Variants in MAGI1 observed in about 807,000 individuals in gnomAD.
MAGI1 encodes the protein membrane-associated guanylate kinase, WW and PDZ domain-containing protein 1.
A neutral mutation model predicts 139.9 loss-of-function variants in MAGI1; 58 were observed. The observed-to-expected ratio is 0.41, with a 90% CI of 0.34 to 0.52. MAGI1 has a LOEUF of 0.52. Ranked by LOEUF, MAGI1 falls within the 20% of genes least tolerant of loss-of-function variation. The probability of loss-of-function intolerance (pLI) is 0.12; values close to 1 mark genes in which losing one functional copy is unlikely to be tolerated. For missense variants in MAGI1, 1,874 were observed against 1,901.6 expected (o/e 0.99, Z 0.27); for synonymous variants, 812 against 737.9 (o/e 1.10, Z -1.63).
intron 1 of MAGI1, among the ~76,000 whole-genome samples, chr3:66,007,120 T>C (rs1206499913): frequency 2.0e-5 from 3 of 151,972 alleles, no homozygotes; most frequent in Non-Finnish European, 2.9e-5. Flanking sequence ...AGATTACAGG[T>C]GTGAGCCACC....
At chr3:65,396,246 T>C (rs1333537408) in intron 13 of MAGI1, among the ~76,000 whole-genome samples, 1 of 152,226 alleles carries the variant, frequency 6.6e-6, no homozygotes, top group Non-Finnish European at 1.5e-5. Flanking sequence ...CTAATTGTTG[T>C]CATTATGCTG....
chr3:65,546,723 A>AT (rs1455559389), intron 2 of MAGI1, among the ~76,000 whole-genome samples: 3 of 151,952 alleles, frequency 2.0e-5, no homozygotes, highest in East Asian at 3.9e-4. Context: ...TAGTCAATCC[A>AT]TTTTTTTTCC....
At chr3:65,451,468 G>C (rs921862699) in intron 6 of MAGI1, among the ~76,000 whole-genome samples, 3 of 152,120 alleles carry the variant, frequency 2.0e-5, no homozygotes, top group Non-Finnish European at 4.4e-5. Flanking sequence ...ATCCAAAATG[G>C]TTAGAATCAA....
chr3:65,854,359 T>C (rs1186072593), intron 1 of MAGI1, among the ~76,000 whole-genome samples: 5 of 152,130 alleles, frequency 3.3e-5, no homozygotes, highest in Non-Finnish European at 5.9e-5. Context: ...ACTTTCTCCT[T>C]TTCACTCAAG....
At chr3:65,846,396 T>G (rs1247650394) in intron 1 of MAGI1, among the ~76,000 whole-genome samples, 1 of 152,170 alleles carries the variant, frequency 6.6e-6, no homozygotes, top group African/African-American at 2.4e-5. Context: ...GTTGAGACAA[T>G]GGATGCAGGT....
chr3:65,584,095 A>AC (rs1187836972), intron 2 of MAGI1, among the ~76,000 whole-genome samples: 3 of 151,400 alleles, frequency 2.0e-5, no homozygotes, highest in African/African-American at 7.3e-5. Flanking sequence ...TGAAAAAAAA[A>AC]AAAAAAAAAA....
At chr3:65,610,029 A>C (rs947674033) in intron 2 of MAGI1, 3 of 17,144 alleles carry the variant, frequency 1.7e-4, no homozygotes, top group African/African-American at 4.2e-4. Context: ...TATATAATAC[A>C]AATTCAGAAC....
At chr3:65,775,915 C>T (rs1361529569) in intron 1 of MAGI1, among the ~76,000 whole-genome samples, 1 of 150,278 alleles carries the variant, frequency 6.7e-6, no homozygotes, top group Non-Finnish European at 1.5e-5. Context: ...GCACTTCAGC[C>T]TCAGTCACAG....
At chr3:65,785,442 C>A (rs1042824690) in intron 1 of MAGI1, among the ~76,000 whole-genome samples, 1 of 152,106 alleles carries the variant, frequency 6.6e-6, no homozygotes, top group Admixed American at 6.5e-5. Flanking sequence ...GACTTATACA[C>A]AGATAAAAAG....
chr3:65,392,204 C>T (rs947210117), intron 13 of MAGI1, among the ~76,000 whole-genome samples: 6 of 152,154 alleles, frequency 3.9e-5, no homozygotes, highest in Non-Finnish European at 8.8e-5. Context: ...AGCAAAGACC[C>T]TTCTCATTTT....
chr3:65,615,223 T>A (rs1157824174), intron 2 of MAGI1, among the ~76,000 whole-genome samples: 1 of 152,130 alleles, frequency 6.6e-6, no homozygotes. Context: ...TAGATCTTTG[T>A]TAACAAGGGG....
chr3:65,497,999 C>T (rs570300677), intron 2 of MAGI1, among the ~76,000 whole-genome samples: 5 of 152,232 alleles, frequency 3.3e-5, no homozygotes, highest in South Asian at 4.2e-4. Context: ...CTGAGCAGCC[C>T]GCCCTGGGTC....
intron 1 of MAGI1, among the ~76,000 whole-genome samples, chr3:65,948,494 C>G (rs2063647787): frequency 6.6e-6 from 1 of 152,164 alleles, no homozygotes; most frequent in East Asian, 1.9e-4. Context: ...CTTATGGTAA[C>G]TTTTAAATGA....
At chr3:66,001,102 T>C (rs1170965992) in intron 1 of MAGI1, among the ~76,000 whole-genome samples, 1 of 152,120 alleles carries the variant, frequency 6.6e-6, no homozygotes, top group Non-Finnish European at 1.5e-5. Flanking sequence ...TAATAGAATG[T>C]AGTTAGAAGA....
At chr3:65,604,166 C>T (rs1266530411) in intron 2 of MAGI1, among the ~76,000 whole-genome samples, 2 of 150,988 alleles carry the variant, frequency 1.3e-5, no homozygotes, top group African/African-American at 2.4e-5. Context: ...TAAATATGCA[C>T]ATTTATGTTT....
intron 2 of MAGI1, among the ~76,000 whole-genome samples, chr3:65,496,726 T>A (rs1952485321): frequency 6.6e-6 from 1 of 152,196 alleles, no homozygotes; most frequent in South Asian, 2.1e-4. Flanking sequence ...TGGGGCTTAA[T>A]ACAAAGATCA....
chr3:65,711,832 G>A (rs374676908), intron 1 of MAGI1, among the ~76,000 whole-genome samples: 3 of 152,184 alleles, frequency 2.0e-5, no homozygotes, highest in Admixed American at 6.5e-5. Flanking sequence ...AGAACTGAGA[G>A]AAAACAAAGT....
chr3:65,715,229 G>T (rs746685565), intron 1 of MAGI1, among the ~76,000 whole-genome samples: 7 of 152,128 alleles, frequency 4.6e-5, no homozygotes, highest in Non-Finnish European at 8.8e-5. Flanking sequence ...CTAAATTGGT[G>T]TAACAATTTT....
intron 1 of MAGI1, among the ~76,000 whole-genome samples, chr3:65,865,692 G>A (rs1559957057): frequency 1.3e-5 from 2 of 152,238 alleles, no homozygotes; most frequent in African/African-American, 4.8e-5. Context: ...CCAGGCTGGA[G>A]TGCAATGGCG....
Sources: gnomAD v4.1 joint callset for allele counts (sites outside exome capture counted in the v4.1 genomes callset) on GRCh38, gnomAD v4.1.1 for gene constraint, MANE v1.5 for transcripts, NCBI Gene and HGNC (gene_info 2026-07-23, HGNC 2026-07-21) for gene names.